The following BRIX1 variants were observed in gnomAD, a reference collection of about 807,000 sequenced individuals.
The protein encoded by BRIX1 is biogenesis of ribosomes BRX1, also known as ribosome biogenesis protein BRX1 homolog.
A neutral mutation model predicts 44.0 loss-of-function variants in BRIX1; 15 were observed. That is an observed-to-expected ratio of 0.34 (90% confidence interval 0.23 to 0.53). The LOEUF is 0.53. Among genes scored for constraint, BRIX1 ranks in the 20% least tolerant of loss-of-function variants. BRIX1 has a pLI of 0.95. For missense variants in BRIX1, 420 were observed against 432.8 expected (o/e 0.97, Z 0.26); for synonymous variants, 149 against 135.4 (o/e 1.10, Z -0.70).
At chr5:34,918,237 C>G (rs1764160852) in intron 1 of BRIX1, 127 bp from the exon 2 acceptor site, 1 of 528,194 alleles carries the variant, frequency 1.9e-6, no homozygotes, top group Non-Finnish European at 3.4e-6. Flanking sequence ...CTTACTTGAG[C>G]CCAGGAACTT....
intron 1 of BRIX1, among the ~76,000 whole-genome samples, chr5:34,917,286 G>A (rs1764131964): frequency 6.6e-6 from 1 of 152,210 alleles, no homozygotes; most frequent in South Asian, 2.1e-4. Context: ...TCAAAGCTAT[G>A]TCATTTGAAC....
At position 34,923,047 on chromosome 5, in the gene BRIX1, T is replaced by A; in HGVS notation, c.557T>A (p.Ile186Asn). Reference protein sequence around the residue: ...PHYALLKELLIQIFSTPRYHP... With the variant: ...PHYALLKELLNQIFSTPRYHP... ...TATGCTTTGTTAAAAGAACTCTTAA[T>A]TCAGGTAAATATCTTTAAAATTAGC... is the stretch of plus-strand genomic sequence containing the variant. The change falls in exon 7 of 10, where the codon ATT becomes AAT. Residue 186 changes from isoleucine to asparagine, a missense_variant. By Grantham distance (149) the Ile-to-Asn change is moderately radical (BLOSUM62 -3). Coordinates refer to ENST00000336767, the MANE Select transcript of BRIX1 (RefSeq NM_018321.4). The A allele has an allele frequency of 1.3e-6, 2 of 1,555,264 alleles. No individual in the cohort carries two copies. Among genetic ancestry groups the A allele is most frequent in the Non-Finnish European group, 1.8e-6 (2 of 1,127,250 alleles).
rs1764160549 is a variant in BRIX1, at chr5:34,918,221, G to T, written c.160-143G>T. 3 of 511,814 alleles carry T rather than the reference G, an allele frequency of 5.9e-6. No individual in the cohort carries two copies. In the Admixed American group the frequency reaches 1.1e-4, roughly 19 times the overall value. The allele number at this position is 511,814 out of a possible 1,614,324, so 31.7% of individuals were successfully genotyped here. On this transcript the variant is annotated intron_variant, in intron 1 of 9. Coordinates refer to ENST00000336767, the MANE Select transcript of BRIX1 (RefSeq NM_018321.4). ...AGCTACTGTAGATGCTGGGGTGGGA[G>T]GATCACTTACTTGAGCCCAGGAACT...
rs748897856 is a variant in BRIX1 at position 34,918,426 on chromosome 5, A to C, written c.222A>C (p.Thr74=). 1.3e-5 allele frequency: 21 copies of C among 1,610,686 alleles called. No individual in the cohort carries two copies. Among genetic ancestry groups the C allele is most frequent in the Middle Eastern group, 1.6e-4 (1 of 6,074 alleles). The change falls in exon 2 of 10, where the codon ACA becomes ACC. Residue 74 remains threonine, a synonymous_variant. Coordinates refer to ENST00000336767, the MANE Select transcript of BRIX1 (RefSeq NM_018321.4). ...CTTCCAGAGGAATAAATTTTAGAAC[A>C]AGACATTTAATGCAGGACTTGAGAA... is the stretch of plus-strand genomic sequence containing the variant. The part of the protein sequence containing the change: ...IFSSRGINFR[T]RHLMQDLRML...
intron 3 of BRIX1, chr5:34,921,941 C>T (rs1764248913): frequency 4.9e-6 from 1 of 203,338 alleles, no homozygotes; most frequent in African/African-American, 2.3e-5. Context: ...GGGAGGTTTC[C>T]AGTAATCAGA....
chr5:34,925,108 C>T, intron 9 of BRIX1, 118 bp from the exon 10 acceptor site: 1 of 1,441,214 alleles, frequency 6.9e-7, no homozygotes, highest in South Asian at 1.5e-5. Context: ...TTGGAAATTA[C>T]TCCCTTTTTT....
intron 2 of BRIX1, 156 bp downstream of exon 2, chr5:34,918,631 A>T: frequency 2.1e-6 from 1 of 476,984 alleles, no homozygotes; most frequent in Non-Finnish European, 3.8e-6. Flanking sequence ...TCCAGTTAAC[A>T]TTTCGTAAGA....
At chr5:34,922,035 G>T (rs1258025732) in intron 3 of BRIX1, 182 bp from the exon 4 acceptor site, 1 of 380,092 alleles carries the variant, frequency 2.6e-6, no homozygotes, top group Non-Finnish European at 4.7e-6. Context: ...GTTTACCTTG[G>T]GTAGAATACC....
In BRIX1 at chr5:34,925,423, A is replaced by G. The variant is rs769973196; in HGVS notation, c.990A>G (p.Lys330=). ...WVKPEPKVDL[K]ARKKRIYKRQ... ...AACCAGAGCCAAAAGTTGATTTGAA[A>G]GCAAGAAAGAAACGGATTTACAAAA... is the stretch of plus-strand genomic sequence containing the variant. Residue 330 remains lysine (K), a synonymous_variant, in exon 10 of 10, where the codon AAA becomes AAG. Coordinates refer to ENST00000336767, the MANE Select transcript of BRIX1 (RefSeq NM_018321.4). The G allele has an allele frequency of 6.2e-7, 1 of 1,614,024 alleles. No homozygotes were observed. The highest frequency in any genetic ancestry group is 1.7e-5 in the Admixed American group (1 of 60,028).
In BRIX1 at chr5:34,925,299, T is replaced by G. The variant is rs766340960; in HGVS notation, c.866T>G (p.Leu289Arg). ...CAGCAAGTGAAAGATGTGCAAAAAC[T>G]GAGAAAGAAAGAGCCGAAGACTCTT... ...EKQQVKDVQK[L>R]RKKEPKTLLP... Residue 289 changes from leucine to arginine, a missense_variant, in exon 10 of 10, where the codon CTG becomes CGG. Coordinates refer to ENST00000336767, the MANE Select transcript of BRIX1 (RefSeq NM_018321.4). 1 of 1,613,296 alleles carries G rather than the reference T, an allele frequency of 6.2e-7. No individual in the cohort carries two copies. Among genetic ancestry groups the G allele is most frequent in the Admixed American group, 1.7e-5 (1 of 59,906 alleles).
Position 34,925,270 on chromosome 5 carries a change from G to A in BRIX1, c.837G>A (p.Glu279=). 1 of 1,609,940 alleles carries A rather than the reference G, an allele frequency of 6.2e-7. No individual in the cohort carries two copies. Among genetic ancestry groups the A allele is most frequent in the South Asian group, 1.1e-5 (1 of 90,692 alleles). The change falls in exon 10 of 10, where the codon GAG becomes GAA. Residue 279 remains glutamate, a synonymous_variant. Transcript: ENST00000336767. The part of the protein sequence containing the change: ...IRSITAAKYR[E]KQQVKDVQKL... ...CCATCACAGCTGCAAAATACAGAGA[G>A]AAACAGCAAGTGAAAGATGTGCAAA...
chr5:34,924,223 C>T (rs971532043), intron 8 of BRIX1, among the ~76,000 whole-genome samples: 1 of 152,162 alleles, frequency 6.6e-6, no homozygotes, highest in Non-Finnish European at 1.5e-5. Context: ...TGGAAGAGAA[C>T]AGCAAGAACA....
chr5:34,922,406 AT>A (rs1764260309), intron 4 of BRIX1, 119 bp downstream of exon 4: 1 of 900,022 alleles, frequency 1.1e-6, no homozygotes, highest in Admixed American at 2.5e-5. Flanking sequence ...CAAACTTTTG[AT>A]TTCACGAAAC....
intron 3 of BRIX1, chr5:34,920,831 GT>G (rs895509478): frequency 3.8e-4 from 55 of 143,526 alleles, no homozygotes; most frequent in African/African-American, 7.1e-4. Flanking sequence ...CAAAAGTTTT[GT>G]TTTTTTTTTT....
rs563863698 is a variant in BRIX1, at chr5:34,920,059, A to G, written c.315+176A>G. 47 of 424,808 alleles carry G rather than the reference A, an allele frequency of 1.1e-4. No individual in the cohort carries two copies. In the Middle Eastern group the frequency reaches 6.3e-3, roughly 57 times the overall value. 26.3% of individuals were successfully genotyped at this position (424,808 alleles called of 1,614,324 possible). On this transcript the variant is annotated intron_variant, in intron 3 of 9. Coordinates refer to ENST00000336767, the MANE Select transcript of BRIX1 (RefSeq NM_018321.4). ...TTTATCTCTCACAGTTTAGTGCTTC[A>G]TTCATTTCTGTTTGTTTTGTCTGAA... is the stretch of plus-strand genomic sequence containing the variant.
Position 34,925,468 on chromosome 5 carries a change from G to A in BRIX1, c.1035G>A (p.Gln345=), listed in dbSNP as rs1764357590. 1.2e-6 allele frequency: 2 copies of A among 1,613,012 alleles called. No individual in the cohort carries two copies. The highest frequency in any genetic ancestry group is 2.7e-5 in the African/African-American group (2 of 74,882). The part of the protein sequence containing the change: ...RIYKRQRKMK[Q]RMDSGKTK The stretch of plus-strand genomic sequence containing the variant: ...ACAAAAGGCAAAGAAAAATGAAACA[G>A]AGGATGGACAGTGGGAAAACAAAAT... The change falls in exon 10 of 10, where the codon CAG becomes CAA. Residue 345 remains glutamine (Q), a synonymous_variant. Transcript: ENST00000336767.
At chr5:34,919,767 A>C in intron 2 of BRIX1, 73 bp from the exon 3 acceptor site, 3 of 499,616 alleles carry the variant, frequency 6.0e-6, no homozygotes, top group African/African-American at 2.0e-5. Context: ...TCTGGATAGC[A>C]TATGTGGTTT....
Position 34,925,242 on chromosome 5 carries a change from G to C in BRIX1, c.809G>C (p.Arg270Thr). 1.3e-6 allele frequency: 2 copies of C among 1,568,854 alleles called. No individual in the cohort carries two copies. The highest frequency in any genetic ancestry group is 1.7e-6 in the Non-Finnish European group (2 of 1,155,220). Reference sequence around the variant, plus strand: ...TTTTTTTAGCATCGGCGTGTCATAAGATCCATCACAGCTGCAAAATACAGA... The same window carrying C: ...TTTTTTTAGCATCGGCGTGTCATAACATCCATCACAGCTGCAAAATACAGA... ...QSPNMHRRVIRSITAAKYREK... is the reference protein window; with the variant it reads ...QSPNMHRRVITSITAAKYREK... The change falls in exon 10 of 10, where the codon AGA becomes ACA. Residue 270 changes from arginine to threonine, a missense_variant. Arg to Thr is a moderately conservative substitution (Grantham distance 71, BLOSUM62 -1). Transcript: ENST00000336767.
Position 34,925,582 on chromosome 5 carries a change from T to TA in BRIX1, c.*88dup. 1.8e-6 allele frequency: 2 copies of TA among 1,110,188 alleles called. No individual in the cohort carries two copies. Among genetic ancestry groups the TA allele is most frequent in the Non-Finnish European group, 2.5e-6 (2 of 798,862 alleles). The allele number at this position is 1,110,188 out of a possible 1,614,324, so 68.8% of individuals were successfully genotyped here. ...ATACTTTTATTATCTAATACTATCT[T>TA]ACGTCTAATTAGTGTAGCATTTACA... On this transcript the variant is annotated 3_prime_UTR_variant, in exon 10 of 10. Coordinates refer to ENST00000336767, the MANE Select transcript of BRIX1 (RefSeq NM_018321.4).
Sources: gnomAD v4.1 joint callset for allele counts (sites outside exome capture counted in the v4.1 genomes callset) on GRCh38, gnomAD v4.1.1 for gene constraint, MANE v1.5 for transcripts, NCBI Gene and HGNC (gene_info 2026-07-23, HGNC 2026-07-21) for gene names.